Variants in ZNF804B observed in about 807,000 individuals in gnomAD.
ZNF804B encodes zinc finger protein 804B, also known as zinc finger 804B.
ZNF804B carries 80 observed loss-of-function variants against 101.4 expected under a neutral mutation model. That is an observed-to-expected ratio of 0.79 (90% CI 0.66 to 0.95). The LOEUF is 0.95. ZNF804B is among the 40% of genes least tolerant of loss of function. The pLI is 0.00. For synonymous variants in ZNF804B, 622 were observed against 558.8 expected, an observed-to-expected ratio of 1.11 and a Z score of -1.59; for missense variants, 1,673 against 1,561.9, an observed-to-expected ratio of 1.07 and a Z score of -1.20.
At chr7:89,228,371 C>T (rs945007211) in intron 2 of ZNF804B, among the ~76,000 whole-genome samples, 8 of 152,134 alleles carry the variant, frequency 5.3e-5, no homozygotes, top group Non-Finnish European at 1.2e-4. Context: ...CCACCCACAT[C>T]CTGCTGATTG....
intron 1 of ZNF804B, among the ~76,000 whole-genome samples, chr7:88,891,788 G>T (rs899273377): frequency 6.6e-6 from 1 of 151,510 alleles, no homozygotes; most frequent in Non-Finnish European, 1.5e-5. Flanking sequence ...TGTGCACAAC[G>T]TGCAGGTTTG....
At chr7:89,160,631 G>A (rs1175697811) in intron 1 of ZNF804B, among the ~76,000 whole-genome samples, 3 of 152,098 alleles carry the variant, frequency 2.0e-5, no homozygotes, top group Admixed American at 2.0e-4. Flanking sequence ...GACCAAAGCT[G>A]TAAGACACTG....
Position 89,278,333 on chromosome 7 carries a change from G to A in ZNF804B, c.250-49011G>A, listed in dbSNP as rs905789064. ...CACTCTGCTGGTAGTTTCTTTTGCT[G>A]TGCAGAAGCTCTTTAGTTTAATTAG... On this transcript the variant is annotated intron_variant, in intron 2 of 3. Coordinates refer to ENST00000333190, the MANE Select transcript of ZNF804B (RefSeq NM_181646.5). 7.9e-5 allele frequency among the ~76,000 whole-genome samples: 12 copies of A among 151,598 alleles called. 1 individual carries two copies. The highest frequency in any genetic ancestry group is 5.9e-4 in the Admixed American group (9 of 15,200).
At chr7:88,986,101 C>T (rs1052651739) in intron 1 of ZNF804B, among the ~76,000 whole-genome samples, 2 of 152,044 alleles carry the variant, frequency 1.3e-5, no homozygotes, top group African/African-American at 4.8e-5. Context: ...GCTTTGATGG[C>T]CATGAACTAC....
chr7:88,941,047 T>G (rs1004235244), intron 1 of ZNF804B, among the ~76,000 whole-genome samples: 9 of 151,924 alleles, frequency 5.9e-5, no homozygotes, highest in Non-Finnish European at 4.4e-5. Context: ...ATTAGGGAAT[T>G]GCAAATTAAA....
chr7:88,877,007 AATATATATATATATATAT>A (rs1198344173), intron 1 of ZNF804B, among the ~76,000 whole-genome samples: 5 of 75,216 alleles, frequency 6.6e-5, no homozygotes, highest in African/African-American at 3.8e-4. Flanking sequence ...TGAAAAAAAA[AATATATATATATATATAT>A]AATATATATA....
At chr7:89,019,252 A>G (rs1788619719) in intron 1 of ZNF804B, among the ~76,000 whole-genome samples, 1 of 151,944 alleles carries the variant, frequency 6.6e-6, no homozygotes, top group Admixed American at 6.6e-5. Flanking sequence ...TTGGATGTTC[A>G]GGAACATGTT....
chr7:89,212,226 T>A (rs1289399392), intron 1 of ZNF804B, among the ~76,000 whole-genome samples: 1 of 150,320 alleles, frequency 6.7e-6, no homozygotes, highest in African/African-American at 2.5e-5. Flanking sequence ...GAAAAATAAT[T>A]TTATAGTGTC....
intron 1 of ZNF804B, among the ~76,000 whole-genome samples, chr7:88,853,415 A>G (rs1791474118): frequency 6.6e-6 from 1 of 152,096 alleles, no homozygotes; most frequent in Admixed American, 6.6e-5. Flanking sequence ...ATCTTAACTA[A>G]AATTGGCACT....
At chr7:89,184,725 T>C (rs1410238398) in intron 1 of ZNF804B, among the ~76,000 whole-genome samples, 1 of 152,152 alleles carries the variant, frequency 6.6e-6, no homozygotes, top group African/African-American at 2.4e-5. Context: ...AGGAAGTGAC[T>C]CAAGTTACTC....
chr7:88,945,465 C>G (rs1258285112), intron 1 of ZNF804B, among the ~76,000 whole-genome samples: 3 of 152,018 alleles, frequency 2.0e-5, no homozygotes, highest in African/African-American at 7.2e-5. Context: ...GTTTTGGTAC[C>G]AGTACCATGC....
chr7:89,019,404 G>T (rs1277992961), intron 1 of ZNF804B, among the ~76,000 whole-genome samples: 2 of 151,956 alleles, frequency 1.3e-5, no homozygotes, highest in African/African-American at 2.4e-5. Context: ...CTAACATATG[G>T]TCAAATGTGA....
rs564727992 is a variant in ZNF804B at position 89,207,134 on chromosome 7, G to A, written c.109-11021G>A. On this transcript the variant is annotated intron_variant, in intron 1 of 3. Coordinates refer to ENST00000333190, the MANE Select transcript of ZNF804B (RefSeq NM_181646.5). Reference sequence around the variant, plus strand: ...CTCCAAATTATTTGAACTTCTGCCTGTTACCCAGTTCCAAAGTGGCCTCCA... The same window carrying A: ...CTCCAAATTATTTGAACTTCTGCCTATTACCCAGTTCCAAAGTGGCCTCCA... Among the ~76,000 whole-genome samples the A allele has an allele frequency of 6.2e-4, 94 of 152,282 alleles. 1 individual carries two copies. Among genetic ancestry groups the A allele is most frequent in the Non-Finnish European group, 2.9e-5 (2 of 68,022 alleles).
intron 1 of ZNF804B, among the ~76,000 whole-genome samples, chr7:89,157,636 C>A (rs17399637): frequency 0.2 from 30,778 of 151,974 alleles, 3,356 homozygotes; most frequent in Non-Finnish European, 0.23. Flanking sequence ...TTTGAAAAGC[C>A]AGTCCAAAAG....
chr7:88,774,223 A>G (rs201484211), intron 1 of ZNF804B, among the ~76,000 whole-genome samples: 1 of 116,800 alleles, frequency 8.6e-6, no homozygotes, highest in Admixed American at 8.5e-5. Context: ...TTTTTTTTTA[A>G]TTTTGAAACT....
At chr7:89,129,529 TC>T (rs1790515948) in intron 1 of ZNF804B, among the ~76,000 whole-genome samples, 1 of 152,008 alleles carries the variant, frequency 6.6e-6, no homozygotes, top group Admixed American at 6.6e-5. Flanking sequence ...GACTAAGGCT[TC>T]CAAGATTGAG....
intron 1 of ZNF804B, among the ~76,000 whole-genome samples, chr7:88,873,394 G>A (rs1478652182): frequency 6.6e-6 from 1 of 152,128 alleles, no homozygotes; most frequent in East Asian, 1.9e-4. Context: ...AGTAGGTTGT[G>A]AAAATGTTCT....
At chr7:88,805,468 A>T (rs1790670003) in intron 1 of ZNF804B, among the ~76,000 whole-genome samples, 1 of 152,182 alleles carries the variant, frequency 6.6e-6, no homozygotes, top group Admixed American at 6.6e-5. Flanking sequence ...CATCTATTAA[A>T]TTTAAAGCCC....
At chr7:89,198,406 A>G (rs1361637895) in intron 1 of ZNF804B, among the ~76,000 whole-genome samples, 1 of 151,944 alleles carries the variant, frequency 6.6e-6, no homozygotes, top group Non-Finnish European at 1.5e-5. Flanking sequence ...TTATGTTTAC[A>G]ATAATATTAA....
Sources: allele counts gnomAD v4.1 joint callset (sites outside exome capture counted in the v4.1 genomes callset), GRCh38; gene constraint gnomAD v4.1.1; transcripts MANE v1.5; gene names NCBI Gene and HGNC (gene_info 2026-07-23, HGNC 2026-07-21).